The following CPNE4 variants were observed in gnomAD, a reference collection of about 807,000 sequenced individuals.
The protein encoded by CPNE4 is copine-4.
CPNE4 carries 25 observed loss-of-function variants against 67.9 expected under a neutral mutation model. The observed-to-expected ratio is 0.37, with a 90% CI of 0.27 to 0.51. The LOEUF (loss-of-function observed/expected upper bound fraction) is 0.51. CPNE4 is among the 20% of genes least tolerant of loss of function. The pLI, the probability that CPNE4 is intolerant of heterozygous loss-of-function variation, is 0.93. For synonymous variants in CPNE4, 242 were observed against 244.9 expected (o/e 0.99, Z 0.11); for missense variants, 464 against 690.8 (o/e 0.67, Z 3.68).
At chr3:131,696,302 C>T (rs941237717) in intron 5 of CPNE4, among the ~76,000 whole-genome samples, 1 of 152,086 alleles carries the variant, frequency 6.6e-6, no homozygotes, top group African/African-American at 2.4e-5. Context: ...CACATCTCAC[C>T]GGTGGCATTT....
intron 2 of CPNE4, among the ~76,000 whole-genome samples, chr3:131,864,469 T>G (rs1264552380): frequency 6.6e-6 from 1 of 152,178 alleles, no homozygotes; most frequent in Admixed American, 6.5e-5. Flanking sequence ...TTTGAAGCAA[T>G]TGTGAATGGG....
chr3:131,716,571 G>A lies in CPNE4; in HGVS notation c.360+6875C>T, dbSNP rs375329281. The stretch of plus-strand genomic sequence containing the variant: ...AGGTGCTCTCTCACAATGTTTTCAC[G>A]CTGTATGTTTCCCCCTTTGTTCTGA... On this transcript the variant is annotated intron_variant, in intron 3 of 15. Coordinates refer to ENST00000429747, the MANE Select transcript of CPNE4 (RefSeq NM_130808.3). 1.5e-3 allele frequency among the ~76,000 whole-genome samples: 226 copies of A among 152,168 alleles called. 1 individual carries two copies. In the South Asian group the frequency reaches 0.025, roughly 17 times the overall value.
intron 10 of CPNE4, among the ~76,000 whole-genome samples, chr3:131,569,367 G>A (rs1559913659): frequency 1.3e-5 from 2 of 151,958 alleles, no homozygotes; most frequent in South Asian, 2.1e-4. Context: ...GGGTGCGGTG[G>A]CTCACACTTA....
At chr3:131,930,546 G>A (rs1451722982) in intron 1 of CPNE4, among the ~76,000 whole-genome samples, 1 of 152,108 alleles carries the variant, frequency 6.6e-6, no homozygotes. Context: ...ATATCTAATT[G>A]CACAACTGTC....
At chr3:131,846,909 G>A (rs190992955) in intron 2 of CPNE4, among the ~76,000 whole-genome samples, 15 of 152,266 alleles carry the variant, frequency 9.9e-5, no homozygotes, top group African/African-American at 3.4e-4. Flanking sequence ...GGAAAATTAA[G>A]CAGAAGCTCT....
chr3:132,023,004 T>C (rs2074030386), intron 1 of CPNE4, among the ~76,000 whole-genome samples: 1 of 152,238 alleles, frequency 6.6e-6, no homozygotes, highest in East Asian at 1.9e-4. Context: ...TTAATGATGC[T>C]ATAAAGCATT....
chr3:131,647,773 C>T (rs2079701581), intron 7 of CPNE4, among the ~76,000 whole-genome samples: 1 of 152,148 alleles, frequency 6.6e-6, no homozygotes, highest in Non-Finnish European at 1.5e-5. Flanking sequence ...AATTTTGATT[C>T]TCTACTTTCC....
intron 1 of CPNE4, among the ~76,000 whole-genome samples, chr3:132,020,995 A>G (rs527924496): frequency 4.6e-5 from 7 of 152,336 alleles, no homozygotes; most frequent in African/African-American, 1.7e-4. Flanking sequence ...AAGATTCTTG[A>G]TAGCACTGTG....
intron 7 of CPNE4, among the ~76,000 whole-genome samples, chr3:131,660,304 T>C (rs1212876497): frequency 2.0e-5 from 3 of 151,354 alleles, no homozygotes; most frequent in Non-Finnish European, 4.4e-5. Context: ...CAACAGCCCA[T>C]TTCTTCCAAT....
At position 131,723,449 on chromosome 3, in the gene CPNE4, G is replaced by T. The variant is rs138267893; in HGVS notation, c.357C>A (p.Gly119=). 624 of 1,612,266 alleles carry T rather than the reference G, an allele frequency of 3.9e-4. 3 individuals carry two copies. The African/African-American group carries it at 7.8e-3, about 20-fold the overall frequency. ...GAAGGGATGTCTGTTGACCCACCTGGCCAAGTGTGCACTCCATGCCACCAA... is the reference window on the plus strand; with the variant it reads ...GAAGGGATGTCTGTTGACCCACCTGTCCAAGTGTGCACTCCATGCCACCAA... ...DFLGGMECTL[G]QIVSQRKLSK... is the part of the protein sequence containing the mutation. The change falls in exon 3 of 16, where the codon GGC becomes GGA. Residue 119 remains glycine, a synonymous_variant. Coordinates refer to ENST00000429747, the MANE Select transcript of CPNE4 (RefSeq NM_130808.3).
chr3:131,931,408 G>T (rs1268118209), intron 1 of CPNE4, among the ~76,000 whole-genome samples: 1 of 152,110 alleles, frequency 6.6e-6, no homozygotes, highest in Non-Finnish European at 1.5e-5. Context: ...AAAGGGAATT[G>T]TGTCCATAAG....
chr3:131,603,069 G>A (rs1939297737), intron 7 of CPNE4, among the ~76,000 whole-genome samples: 3 of 152,020 alleles, frequency 2.0e-5, no homozygotes, highest in Admixed American at 2.0e-4. Flanking sequence ...CTGTCTCTAT[G>A]ACTTATATCT....
chr3:131,561,375 GTGTT>G (rs1328968924), intron 11 of CPNE4, among the ~76,000 whole-genome samples: 1 of 151,944 alleles, frequency 6.6e-6, no homozygotes, highest in African/African-American at 2.4e-5. Context: ...ACATGCGTGT[GTGTT>G]TTTGTGTGTG....
At chr3:131,574,063 T>G (rs961575687) in intron 10 of CPNE4, among the ~76,000 whole-genome samples, 7 of 152,070 alleles carry the variant, frequency 4.6e-5, no homozygotes, top group African/African-American at 1.7e-4. Context: ...CCATCTTCCT[T>G]GGTTCCAGGA....
At chr3:131,556,432 G>C (rs919307993) in intron 11 of CPNE4, among the ~76,000 whole-genome samples, 2 of 151,998 alleles carry the variant, frequency 1.3e-5, no homozygotes, top group Admixed American at 6.6e-5. Context: ...GACAGAGCTT[G>C]GTTCCCTCTA....
chr3:131,642,323 G>A (rs1356213312), intron 7 of CPNE4, among the ~76,000 whole-genome samples: 1 of 152,120 alleles, frequency 6.6e-6, no homozygotes, highest in Non-Finnish European at 1.5e-5. Flanking sequence ...TCCATCAAGA[G>A]GAATACCTGC....
At chr3:131,761,112 C>A (rs1583156782) in intron 2 of CPNE4, among the ~76,000 whole-genome samples, 1 of 150,602 alleles carries the variant, frequency 6.6e-6, no homozygotes, top group East Asian at 2.0e-4. Flanking sequence ...GCTTTTTCCC[C>A]TCAAGAGGGA....
In CPNE4 at chr3:131,696,585, T is replaced by G; in HGVS notation, c.464A>C (p.Asp155Ala). ...VIAEELSGND[D>A]YVELAFNARK... is the part of the protein sequence containing the mutation. ...TGCATTGAATGCAAGCTCAACATAG[T>G]CGTCATTGCCAGATAATTCTTCAGC... The change falls in exon 5 of 16, where the codon GAC becomes GCC. Residue 155 changes from aspartate to alanine, a missense_variant. Transcript: ENST00000429747. The G allele has an allele frequency of 6.2e-7, 1 of 1,614,040 alleles. No individual in the cohort carries two copies. Among genetic ancestry groups the G allele is most frequent in the Non-Finnish European group, 8.5e-7 (1 of 1,179,936 alleles).
intron 2 of CPNE4, among the ~76,000 whole-genome samples, chr3:131,861,695 A>G (rs1368049044): frequency 6.6e-6 from 1 of 152,198 alleles, no homozygotes; most frequent in Non-Finnish European, 1.5e-5. Context: ...GGCCTCACAA[A>G]GTGCTGGGAT....
Sources: gnomAD v4.1 joint callset for allele counts (sites outside exome capture counted in the v4.1 genomes callset) on GRCh38, gnomAD v4.1.1 for gene constraint, MANE v1.5 for transcripts, NCBI Gene and HGNC (gene_info 2026-07-23, HGNC 2026-07-21) for gene names.